Variants in SRRT observed in about 807,000 individuals in gnomAD.
The protein encoded by SRRT is serrate, RNA effector molecule, also known as serrate RNA effector molecule homolog.
SRRT carries 32 observed loss-of-function variants against 103.2 expected under a neutral mutation model. The observed-to-expected ratio is 0.31, with a 90% CI of 0.23 to 0.42. The LOEUF (loss-of-function observed/expected upper bound fraction) is 0.42, where lower values mean the gene tolerates loss of function less well. Ranked by LOEUF, SRRT falls within the 10% of genes least tolerant of loss-of-function variation. The probability of loss-of-function intolerance (pLI) is 1.00; values close to 1 mark genes in which losing one functional copy is unlikely to be tolerated. For synonymous variants in SRRT, 525 were observed against 449.0 expected, an observed-to-expected ratio of 1.17 and a Z score of -2.14; for missense variants, 986 against 1,207.5, an observed-to-expected ratio of 0.82 and a Z score of 2.72.
intron 2 of SRRT, among the ~76,000 whole-genome samples, chr7:100,877,883 C>T (rs1393577267): frequency 6.6e-6 from 1 of 152,130 alleles, no homozygotes; most frequent in African/African-American, 2.4e-5. Context: ...GTTATTTTTA[C>T]TTGAATGAAT....
Position 100,884,784 on chromosome 7 carries a change from G to T in SRRT, c.987G>T (p.Glu329Asp), listed in dbSNP as rs1368227435. The T allele has an allele frequency of 6.2e-7, 1 of 1,614,094 alleles. No homozygotes were observed. ...ATGATGACAAAACAAAGAAGTCGGA[G>T]GGTGATGGGGACAAGGAAGAGAAGA... ...SSNDDKTKKS[E>D]GDGDKEEKKE... The change falls in exon 8 of 20, where the codon GAG becomes GAT. Residue 329 changes from glutamate (E) to aspartate (D), a missense_variant. This residue lies in a region of SRRT where 166 missense variants were observed against 148.6 expected (regional missense o/e 1.12). Coordinates refer to ENST00000611405, the MANE Select transcript of SRRT (RefSeq NM_015908.6).
Position 100,885,274 on chromosome 7 carries a change from C to T in SRRT, c.1221C>T (p.Ala407=), listed in dbSNP as rs148712422. The T allele has an allele frequency of 2.3e-4, 379 of 1,614,000 alleles. No individual in the cohort carries two copies. Among genetic ancestry groups the T allele is most frequent in the Non-Finnish European group, 2.9e-4 (339 of 1,180,026 alleles). The change falls in exon 10 of 20, where the codon GCC becomes GCT. Residue 407 remains alanine (A), a synonymous_variant. Coordinates refer to ENST00000611405, the MANE Select transcript of SRRT (RefSeq NM_015908.6). The surrounding 1 kb of genome is among the most constrained non-coding windows in gnomAD (Gnocchi z 4.8). ...AAGAATGGGAGAAGCCCAAGGACGCCGCGGGGCTGGAGTGCAAGCCGCGGC... is the reference window on the plus strand; with the variant it reads ...AAGAATGGGAGAAGCCCAAGGACGCTGCGGGGCTGGAGTGCAAGCCGCGGC... ...KEEEWEKPKD[A]AGLECKPRPL...
At position 100,884,122 on chromosome 7, in the gene SRRT, C is replaced by G. The variant is rs201998782; in HGVS notation, c.640C>G (p.Arg214Gly). The stretch of plus-strand genomic sequence containing the variant: ...GGTGGGGAAGCGTCGGCAGGAGGCC[C>G]GGGGGGCCCTGCAAAACCGACTGAG... ...DEVGKRRQEARGALQNRLRVF... is the reference protein window; with the variant it reads ...DEVGKRRQEAGGALQNRLRVF... Residue 214 changes from arginine (R) to glycine (G), a missense_variant, in exon 6 of 20, where the codon CGG becomes GGG. Arg to Gly is a moderately radical substitution (Grantham distance 125, BLOSUM62 -2). Transcript: ENST00000611405. 2 of 1,611,894 alleles carry G rather than the reference C, an allele frequency of 1.2e-6. No homozygotes were observed. The highest frequency in any genetic ancestry group is 1.3e-5 in the African/African-American group (1 of 74,688).
Position 100,884,958 on chromosome 7 carries a change from C to T in SRRT, c.1077C>T (p.Asp359=), listed in dbSNP as rs375749738. The T allele has an allele frequency of 4.2e-5, 68 of 1,613,974 alleles. No individual in the cohort carries two copies. The highest frequency in any genetic ancestry group is 1.3e-4 in the African/African-American group (10 of 74,962). The change falls in exon 9 of 20, where the codon GAC becomes GAT. Residue 359 remains aspartate (D), a synonymous_variant. Transcript: ENST00000611405. The part of the protein sequence containing the change: ...SKKRNRKHSG[D]DSFDEGSVSE... ...AGCGGAACCGGAAGCACAGTGGTGA[C>T]GACAGCTTTGACGAGGGCAGCGTGT...
At chr7:100,881,441 C>T in intron 3 of SRRT, 28 bp downstream of exon 3, 1 of 1,604,100 alleles carries the variant, frequency 6.2e-7, no homozygotes, top group East Asian at 2.2e-5. Flanking sequence ...CCCTCTCCTC[C>T]CCTTTGCCTC....
chr7:100,884,591 C>T, intron 7 of SRRT, 39 bp downstream of exon 7: 1 of 1,493,484 alleles, frequency 6.7e-7, no homozygotes, highest in Non-Finnish European at 8.9e-7. Flanking sequence ...CCCTGGCAGC[C>T]TGGGGGAGGG....
chr7:100,875,313 C>T lies in SRRT; in HGVS notation c.-34C>T. On this transcript the variant is annotated 5_prime_UTR_variant, in exon 1 of 20. Transcript: ENST00000611405. Reference sequence around the variant, plus strand: ...GCCCGTCCGAGCGCGAGTCCAACGGCCGCGGCCGCACCAAGGTGGGGGAGG... The same window carrying T: ...GCCCGTCCGAGCGCGAGTCCAACGGTCGCGGCCGCACCAAGGTGGGGGAGG... The T allele has an allele frequency of 8.8e-7, 1 of 1,134,758 alleles. No individual in the cohort carries two copies. Among genetic ancestry groups the T allele is most frequent in the Non-Finnish European group, 1.1e-6 (1 of 892,450 alleles). The allele number at this position is 1,134,758 out of a possible 1,614,324, so 70.3% of individuals were successfully genotyped here. A position where few individuals can be genotyped will look rare whatever the true frequency, so the allele number is the denominator to read the frequency against.
rs774176356 is a variant in SRRT at position 100,885,771 on chromosome 7, C to T, written c.1379+9C>T. On this transcript the variant is annotated intron_variant, in intron 11 of 19. Coordinates refer to ENST00000611405, the MANE Select transcript of SRRT (RefSeq NM_015908.6). The surrounding 1 kb of genome is among the most constrained non-coding windows in gnomAD (Gnocchi z 4.8). ...CCCCAGCCAGAGAGGAGGTGAGTAA[C>T]TCGGTGCGTTGGAGGGAAAAGTGCA... The T allele has an allele frequency of 5.6e-6, 9 of 1,614,150 alleles. No homozygotes were observed. Among genetic ancestry groups the T allele is most frequent in the Non-Finnish European group, 7.6e-6 (9 of 1,179,998 alleles).
intron 2 of SRRT, among the ~76,000 whole-genome samples, chr7:100,879,946 A>G (rs1319813998): frequency 6.6e-6 from 1 of 152,222 alleles, no homozygotes; most frequent in Non-Finnish European, 1.5e-5. Flanking sequence ...AGTTAAAACA[A>G]TAGTGTTGCT....
chr7:100,880,977 T>C (rs1584740309), intron 2 of SRRT, among the ~76,000 whole-genome samples: 1 of 152,202 alleles, frequency 6.6e-6, no homozygotes, highest in Admixed American at 6.6e-5. Context: ...GAGAAAAATC[T>C]TTTTCTGTTA....
rs1345610300 is a variant in SRRT, at chr7:100,884,190, T to C, written c.708T>C (p.Leu236=). The change falls in exon 6 of 20, where the codon CTT becomes CTC. Residue 236 remains leucine (L), a synonymous_variant. Coordinates refer to ENST00000611405, the MANE Select transcript of SRRT (RefSeq NM_015908.6). ...TGGAGACTGGCTGGTTTGATAACCT[T>C]CTCCTGGACATAGACAAAGCTGATG... ...SLMETGWFDN[L]LLDIDKADAI... is the part of the protein sequence containing the mutation. 1.2e-6 allele frequency: 2 copies of C among 1,614,144 alleles called. No homozygotes were observed. Among genetic ancestry groups the C allele is most frequent in the East Asian group, 2.2e-5 (1 of 44,876 alleles).
In SRRT at chr7:100,885,717, C is replaced by T. The variant is rs1790025304; in HGVS notation, c.1334C>T (p.Pro445Leu). Reference sequence around the variant, plus strand: ...TTCTTGCAGCTTTGTAAAAGGTACCCAGGCTTTATGCGGGTGGCGCTCTCA... The same window carrying T: ...TTCTTGCAGCTTTGTAAAAGGTACCTAGGCTTTATGCGGGTGGCGCTCTCA... Reference protein sequence around the residue: ...AEIISLCKRYPGFMRVALSEP... With the variant: ...AEIISLCKRYLGFMRVALSEP... Residue 445 changes from proline (P) to leucine (L), a missense_variant, in exon 11 of 20, where the codon CCA becomes CTA. This residue lies in a region of SRRT where 349 missense variants were observed against 446.9 expected (regional missense o/e 0.78). Transcript: ENST00000611405. The surrounding 1 kb of genome is among the most constrained non-coding windows in gnomAD (Gnocchi z 4.8). The T allele has an allele frequency of 1.2e-6, 2 of 1,612,966 alleles. No individual in the cohort carries two copies. Among genetic ancestry groups the T allele is most frequent in the African/African-American group, 1.3e-5 (1 of 74,872 alleles).
chr7:100,882,498 C>T lies in SRRT; in HGVS notation c.587+257C>T, dbSNP rs923897759. 38 of 402,440 alleles carry T rather than the reference C, an allele frequency of 9.4e-5. 1 individual carries two copies. Among genetic ancestry groups the T allele is most frequent in the Non-Finnish European group, 1.3e-4 (29 of 221,888 alleles). 24.9% of individuals were successfully genotyped at this position (402,440 alleles called of 1,614,324 possible). A position where few individuals can be genotyped will look rare whatever the true frequency, so the allele number is the denominator to read the frequency against. On this transcript the variant is annotated intron_variant, in intron 5 of 19. Transcript: ENST00000611405. This position sits in a 1 kb window ranked among gnomAD's most constrained non-coding sequence, Gnocchi z 4.2. ...CAGGCAGCAGGCCAGAGCCACTTGG[C>T]CCCTTGGGGCAGCAGACAGACTGCT...
At chr7:100,875,810 A>G in intron 2 of SRRT, 98 bp downstream of exon 2, 1 of 1,472,510 alleles carries the variant, frequency 6.8e-7, no homozygotes, top group Non-Finnish European at 9.4e-7. Flanking sequence ...ATGAGGGCGA[A>G]TCCTATGAAA....
chr7:100,881,113 A>G (rs566902833), intron 2 of SRRT, among the ~76,000 whole-genome samples, 172 bp from the exon 3 acceptor site: 1 of 135,738 alleles, frequency 7.4e-6, no homozygotes, highest in African/African-American at 2.9e-5. Flanking sequence ...TTTAAAAAAT[A>G]AAAAATTTTT....
rs946579833 is a variant in SRRT, at chr7:100,882,461, G to T, written c.587+220G>T. 115 of 510,080 alleles carry T rather than the reference G, an allele frequency of 2.3e-4. 1 individual carries two copies. In the Admixed American group the frequency reaches 3.5e-3, roughly 16 times the overall value. 31.6% of individuals were successfully genotyped at this position (510,080 alleles called of 1,614,324 possible). A position where few individuals can be genotyped will look rare whatever the true frequency, so the allele number is the denominator to read the frequency against. On this transcript the variant is annotated intron_variant, in intron 5 of 19. Transcript: ENST00000611405. This position sits in a 1 kb window ranked among gnomAD's most constrained non-coding sequence, Gnocchi z 4.2. ...TCTCCTGTCCTGCTGTCCTCAGAGA[G>T]TGGGACACCTCCAGGCAGCAGGCCA... is the stretch of plus-strand genomic sequence containing the variant.
At chr7:100,876,778 T>C (rs1815754499) in intron 2 of SRRT, among the ~76,000 whole-genome samples, 2 of 152,040 alleles carry the variant, frequency 1.3e-5, no homozygotes, top group Non-Finnish European at 2.9e-5. Context: ...AGGGTAAGCA[T>C]TGAGGGAACA....
chr7:100,881,559 G>T, intron 3 of SRRT, 100 bp from the exon 4 acceptor site: 1 of 1,578,858 alleles, frequency 6.3e-7, no homozygotes, highest in Non-Finnish European at 8.6e-7. Context: ...TGAAACCCTT[G>T]TCTGGGAGAC....
At chr7:100,879,849 GGGGAGGCTGGTGATTGGTT>G (rs897783100) in intron 2 of SRRT, among the ~76,000 whole-genome samples, 4 of 152,008 alleles carry the variant, frequency 2.6e-5, no homozygotes, top group African/African-American at 4.8e-5. Context: ...GATGAGGATG[GGGGAGGCTGGTGATTGGTT>G]GGGAGGTTGG....
Sources: allele counts gnomAD v4.1 joint callset (sites outside exome capture counted in the v4.1 genomes callset), GRCh38; gene constraint gnomAD v4.1.1; regional missense constraint gnomAD v4.1.1; non-coding constraint Gnocchi (gnomAD v3.1); transcripts MANE v1.5; gene names NCBI Gene and HGNC (gene_info 2026-07-23, HGNC 2026-07-21).